Variants in BARD1 observed in about 807,000 individuals in gnomAD.
The protein encoded by BARD1 is BRCA1 associated RING domain 1.
BARD1 carries 73 observed loss-of-function variants against 77.0 expected under a neutral mutation model. The ratio of observed to expected loss-of-function variants is 0.95; its 90% CI spans 0.79 to 1.15. BARD1 has a LOEUF of 1.15. Ranked by LOEUF, BARD1 falls within the 50% of genes most tolerant of loss-of-function variation. The pLI, the probability that BARD1 is intolerant of heterozygous loss-of-function variation, is 0.00. For synonymous variants in BARD1, 384 were observed against 338.0 expected, an observed-to-expected ratio of 1.14 and a Z score of -1.49; for missense variants, 993 against 938.8, an observed-to-expected ratio of 1.06 and a Z score of -0.75.
intron 1 of BARD1, 146 bp downstream of exon 1, chr2:214,809,266 A>G: frequency 9.0e-7 from 1 of 1,112,598 alleles, no homozygotes; most frequent in Middle Eastern, 2.0e-4. Flanking sequence ...TTAATACTAT[A>G]TCCCCCGGCA....
rs1695913363 is a variant in BARD1 at position 214,799,429 on chromosome 2, A to AAAACAATCT, written c.159-2321_159-2313dup. ...CAAACAAATGAATAGATGGCTATTC[A>AAAACAATCT]AAACAATCTCTATGCTTCCTCATCT... On this transcript the variant is annotated intron_variant, in intron 1 of 10. Coordinates refer to ENST00000260947, the MANE Select transcript of BARD1 (RefSeq NM_000465.4). Among the ~76,000 whole-genome samples the AAAACAATCT allele has an allele frequency of 8.5e-5, 13 of 152,368 alleles. No individual in the cohort carries two copies. The South Asian group carries it at 2.7e-3, about 32-fold the overall frequency.
rs1029718441 is a variant in BARD1, at chr2:214,791,085, T to TA, written c.364+1211dup. Among the ~76,000 whole-genome samples, 112 of 152,316 alleles carry TA rather than the reference T, an allele frequency of 7.4e-4. 1 individual carries two copies. The highest frequency in any genetic ancestry group is 2.7e-3 in the African/African-American group (112 of 41,590). On this transcript the variant is annotated intron_variant, in intron 3 of 10. Coordinates refer to ENST00000260947, the MANE Select transcript of BARD1 (RefSeq NM_000465.4). ...AGGTTTACAACTACAATATCATTTT[T>TA]AAAAAACGGCAACTTTTAAAAATGT...
At chr2:214,806,790 C>T (rs62201998) in intron 1 of BARD1, among the ~76,000 whole-genome samples, 7,010 of 147,590 alleles carry the variant, frequency 0.047, 230 homozygotes, top group Non-Finnish European at 0.069. Context: ...AAGAGAATTG[C>T]TTGAACCCGG....
At chr2:214,779,678 G>A (rs1462925752) in intron 4 of BARD1, among the ~76,000 whole-genome samples, 2 of 152,080 alleles carry the variant, frequency 1.3e-5, no homozygotes, top group Non-Finnish European at 2.9e-5. Context: ...CATGTTTGTG[G>A]ACCTCCAAGT....
chr2:214,737,864 T>C (rs1189803711), intron 9 of BARD1, among the ~76,000 whole-genome samples: 1 of 152,190 alleles, frequency 6.6e-6, no homozygotes, highest in South Asian at 2.1e-4. Flanking sequence ...TAAACTATTT[T>C]ATATTTGTAA....
chr2:214,796,910 A>G (rs948687887), intron 2 of BARD1, 151 bp downstream of exon 2: 1 of 686,064 alleles, frequency 1.5e-6, no homozygotes, highest in Middle Eastern at 4.1e-4. Flanking sequence ...ACACAGTTTT[A>G]AAGATCAAAC....
At chr2:214,790,113 C>T (rs1292673136) in intron 3 of BARD1, among the ~76,000 whole-genome samples, 1 of 152,080 alleles carries the variant, frequency 6.6e-6, no homozygotes, top group Admixed American at 6.6e-5. Context: ...ACATCACTAG[C>T]TAGAATAAAA....
chr2:214,785,625 A>C (rs2106120791), intron 3 of BARD1, among the ~76,000 whole-genome samples: 1 of 152,078 alleles, frequency 6.6e-6, no homozygotes, highest in South Asian at 2.1e-4. Flanking sequence ...CTAAAGTTAA[A>C]ACAAAAAGAA....
Position 214,726,000 on chromosome 2 carries a change from C to T in BARD1, c.*2676G>A, listed in dbSNP as rs1484708037. 1 of 220,202 alleles carries T rather than the reference C, an allele frequency of 4.5e-6. No homozygotes were observed. The highest frequency in any genetic ancestry group is 6.5e-5 in the East Asian group (1 of 15,390). The allele number at this position is 220,202 out of a possible 1,614,324, so 13.6% of individuals were successfully genotyped here. A position where few individuals can be genotyped will look rare whatever the true frequency, so the allele number is the denominator to read the frequency against. On this transcript the variant is annotated 3_prime_UTR_variant, in exon 11 of 11. Transcript: ENST00000260947. ...ACCTCCCCAAATATCATCCTCTAGG[C>T]AGAGGTCACTTAACTATTAAATTTA...
At chr2:214,751,271 C>T (rs1269881850) in intron 7 of BARD1, among the ~76,000 whole-genome samples, 1 of 142,496 alleles carries the variant, frequency 7.0e-6, no homozygotes, top group South Asian at 2.4e-4. Context: ...AATTATCGTG[C>T]CTCAGTCTCC....
intron 6 of BARD1, among the ~76,000 whole-genome samples, chr2:214,752,771 T>C (rs1693519351): frequency 6.6e-6 from 1 of 152,168 alleles, no homozygotes; most frequent in Non-Finnish European, 1.5e-5. Context: ...TTACTGAATA[T>C]AGTATTATGA....
chr2:214,737,722 C>G (rs929228856), intron 9 of BARD1, among the ~76,000 whole-genome samples: 5 of 152,158 alleles, frequency 3.3e-5, no homozygotes, highest in African/African-American at 1.2e-4. Flanking sequence ...ACCAGCCAAA[C>G]ATTACTTAAT....
chr2:214,744,590 CT>C (rs1693007331), intron 9 of BARD1, among the ~76,000 whole-genome samples: 1 of 152,130 alleles, frequency 6.6e-6, no homozygotes, highest in African/African-American at 2.4e-5. Context: ...TATACATTTA[CT>C]AAGGACATCT....
intron 6 of BARD1, among the ~76,000 whole-genome samples, chr2:214,753,214 G>T (rs1240124374): frequency 6.6e-6 from 1 of 152,094 alleles, no homozygotes; most frequent in East Asian, 1.9e-4. Flanking sequence ...AAAAAAGAGA[G>T]AAGAACAAGT....
At chr2:214,740,832 T>C (rs1040959578) in intron 9 of BARD1, among the ~76,000 whole-genome samples, 2 of 152,096 alleles carry the variant, frequency 1.3e-5, no homozygotes, top group Admixed American at 1.3e-4. Context: ...TTTTTTTTAT[T>C]CTTAGACAAT....
intron 6 of BARD1, among the ~76,000 whole-genome samples, chr2:214,754,156 A>G (rs1220420103): frequency 2.0e-5 from 3 of 152,082 alleles, no homozygotes; most frequent in Non-Finnish European, 4.4e-5. Flanking sequence ...ACAATCAAAA[A>G]ATAGAAATCT....
intron 7 of BARD1, among the ~76,000 whole-genome samples, chr2:214,748,007 A>C (rs947045544): frequency 2.7e-4 from 41 of 152,130 alleles, no homozygotes; most frequent in Non-Finnish European, 5.9e-5. Context: ...AATACCATAA[A>C]AATAGCTCTA....
At chr2:214,806,876 G>GTAAAA in intron 1 of BARD1, among the ~76,000 whole-genome samples, 1 of 133,620 alleles carries the variant, frequency 7.5e-6, no homozygotes, top group South Asian at 2.5e-4. Flanking sequence ...TTTGCCTAGG[G>GTAAAA]AAAAAAAAAA....
At chr2:214,744,243 T>C (rs1324556646) in intron 9 of BARD1, among the ~76,000 whole-genome samples, 1 of 152,082 alleles carries the variant, frequency 6.6e-6, no homozygotes, top group African/African-American at 2.4e-5. Context: ...GGGGAACAGG[T>C]ATACATTTTC....
Sources: gnomAD v4.1 joint callset for allele counts (sites outside exome capture counted in the v4.1 genomes callset) on GRCh38, gnomAD v4.1.1 for gene constraint, MANE v1.5 for transcripts, NCBI Gene and HGNC (gene_info 2026-07-23, HGNC 2026-07-21) for gene names.